ALG13: variants seen among roughly 807,000 people sequenced by gnomAD.
The protein encoded by ALG13 is UDP-N-acetylglucosamine transferase subunit ALG13.
In ALG13, 11 loss-of-function variants were observed where a neutral mutation model predicts 87.8. The observed-to-expected ratio is 0.13, with a 90% CI of 0.08 to 0.21. The LOEUF is 0.21. Among genes scored for constraint, ALG13 ranks in the 10% least tolerant of loss-of-function variants. The probability of loss-of-function intolerance (pLI) is 1.00; values close to 1 mark genes in which losing one functional copy is unlikely to be tolerated. For missense variants in ALG13, 756 were observed against 866.1 expected, an observed-to-expected ratio of 0.87 and a Z score of 1.60; for synonymous variants, 320 against 306.3, an observed-to-expected ratio of 1.04 and a Z score of -0.47.
intron 1 of ALG13, chrX:111,681,624 C>T (rs1933265311): frequency 2.1e-6 from 2 of 931,617 alleles, no homozygotes; most frequent in South Asian, 3.4e-5. Context: ...ACGGCTCCGC[C>T]CCTCCGAGCT....
chrX:111,719,634 T>C (rs776202507), intron 10 of ALG13, among the ~76,000 whole-genome samples: 1 of 112,125 alleles, frequency 8.9e-6, no homozygotes, highest in African/African-American at 3.2e-5. Context: ...TGAGTTCTTA[T>C]CTGGAGCTTT....
rs778107761 is a variant in ALG13, at chrX:111,681,362, C to T, written c.81+63C>T. ...CCACCCGCCATCTCCGGCCATACTG[C>T]CAGCCGCGTTAGCCTTGCCTGACCG... On this transcript the variant is annotated intron_variant, in intron 1 of 26. Transcript: ENST00000394780. The T allele has an allele frequency of 9.3e-4, 1,123 of 1,204,132 alleles. 2 individuals are homozygous for T. The highest frequency in any genetic ancestry group is 1.2e-3 in the Non-Finnish European group (1,060 of 892,587).
chrX:111,682,448 T>C (rs966828739), intron 2 of ALG13, 154 bp downstream of exon 2: 12 of 361,081 alleles, frequency 3.3e-5, no homozygotes, highest in African/African-American at 2.9e-4. Context: ...CAGCATCCAT[T>C]AGCTTTTTAT....
chrX:111,728,823 C>G (rs926147634), intron 19 of ALG13, among the ~76,000 whole-genome samples: 1 of 111,160 alleles, frequency 9.0e-6, no homozygotes, highest in Non-Finnish European at 1.9e-5. Context: ...TTCGTGTGCT[C>G]TTCTGAGGAA....
chrX:111,719,223 C>A (rs903005727), intron 10 of ALG13, among the ~76,000 whole-genome samples: 2 of 109,777 alleles, frequency 1.8e-5, no homozygotes, highest in African/African-American at 6.6e-5. Flanking sequence ...AGATGGGGTT[C>A]ACAGGTTTAG....
intron 21 of ALG13, among the ~76,000 whole-genome samples, chrX:111,733,482 C>G (rs1435311882): frequency 1.8e-5 from 2 of 111,753 alleles, no homozygotes; most frequent in African/African-American, 6.5e-5. Flanking sequence ...CTTTGTATGG[C>G]TGAGTAGTAT....
At chrX:111,693,125 C>T (rs866699453) in intron 3 of ALG13, among the ~76,000 whole-genome samples, 5 of 108,804 alleles carry the variant, frequency 4.6e-5, no homozygotes, top group African/African-American at 1.7e-4. Flanking sequence ...ATGGCTAATT[C>T]CCTACGTGAA....
rs1078540 is a variant in ALG13 at position 111,707,814 on chromosome X, C to T, written c.384-213C>T. 0.24 allele frequency among the ~76,000 whole-genome samples: 27,105 copies of T among 111,173 alleles called. 7,874 individuals carry two copies. The highest frequency in any genetic ancestry group is 0.83 in the African/African-American group (25,284 of 30,307). ...TTTCAGCCTCGTGCAGCAGTTGCCCCGAGTTAAGCTGCAAAGTCAGTTTCC... is the reference window on the plus strand; with the variant it reads ...TTTCAGCCTCGTGCAGCAGTTGCCCTGAGTTAAGCTGCAAAGTCAGTTTCC... On this transcript the variant is annotated intron_variant, in intron 3 of 26. Transcript: ENST00000394780.
chrX:111,759,320 G>A (rs1032252888), intron 26 of ALG13, among the ~76,000 whole-genome samples: 13 of 110,985 alleles, frequency 1.2e-4, no homozygotes, highest in African/African-American at 4.3e-4. Flanking sequence ...TTCAGGTATA[G>A]ACCAGAATGT....
chrX:111,735,274 A>G (rs989796812), intron 22 of ALG13, among the ~76,000 whole-genome samples, 152 bp downstream of exon 22: 1 of 112,228 alleles, frequency 8.9e-6, no homozygotes, highest in Non-Finnish European at 1.9e-5. Flanking sequence ...AGTGATTAGT[A>G]AATTAATTCA....
At chrX:111,688,257 T>A in intron 3 of ALG13, 2 of 765,993 alleles carry the variant, frequency 2.6e-6, no homozygotes, top group Non-Finnish European at 3.1e-6. Flanking sequence ...TCCTAGAATC[T>A]CAAGTGGAAT....
At chrX:111,690,420 G>T in intron 3 of ALG13, 1 of 747,576 alleles carries the variant, frequency 1.3e-6, no homozygotes, top group Non-Finnish European at 1.6e-6. Flanking sequence ...GTGATGTTTT[G>T]GGATGACCTT....
Position 111,754,718 on chromosome X carries a change from G to A in ALG13, c.2973+1888G>A, listed in dbSNP as rs1378034915. On this transcript the variant is annotated intron_variant, in intron 25 of 26. Transcript: ENST00000394780. ...AATACCTAGGAATCCAACTTACAAG[G>A]GATGTGAAGGACCTCTTCAAGGAGA... 8.1e-5 allele frequency among the ~76,000 whole-genome samples: 9 copies of A among 111,285 alleles called. No individual in the cohort carries two copies. The Admixed American group carries it at 8.6e-4, about 11-fold the overall frequency.
intron 23 of ALG13, among the ~76,000 whole-genome samples, chrX:111,739,171 A>G (rs1015105458): frequency 8.9e-6 from 1 of 111,773 alleles, no homozygotes; most frequent in Non-Finnish European, 1.9e-5. Context: ...AAGTGAAGGG[A>G]AAGCAGACAC....
intron 13 of ALG13, among the ~76,000 whole-genome samples, 168 bp downstream of exon 13, chrX:111,723,025 G>A (rs964431169): frequency 9.0e-6 from 1 of 111,039 alleles, no homozygotes; most frequent in Non-Finnish European, 1.9e-5. Context: ...CATGATCCTG[G>A]CTCACTGCAG....
At chrX:111,689,142 T>G (rs1349825622) in intron 3 of ALG13, 2 of 673,775 alleles carry the variant, frequency 3.0e-6, no homozygotes, top group African/African-American at 4.8e-5. Context: ...AGAAATACTC[T>G]GGGTAGCAGG....
chrX:111,688,887 G>C (rs1275593709), intron 3 of ALG13: 1 of 750,432 alleles, frequency 1.3e-6, no homozygotes, highest in African/African-American at 2.3e-5. Context: ...GACCTTTACA[G>C]TAGATTATCC....
At chrX:111,709,685 C>CT (rs900487376) in intron 5 of ALG13, among the ~76,000 whole-genome samples, 8,589 of 96,912 alleles carry the variant, frequency 0.089, 934 homozygotes, top group African/African-American at 0.29. Flanking sequence ...GCTTCCTTTT[C>CT]TTTTTTTTTT....
intron 8 of ALG13, among the ~76,000 whole-genome samples, chrX:111,715,836 T>A (rs1446192685): frequency 8.9e-6 from 1 of 112,761 alleles, no homozygotes; most frequent in East Asian, 2.8e-4. Flanking sequence ...CTTTGGCATC[T>A]TTCATCTTGT....
Sources: allele counts gnomAD v4.1 joint callset (sites outside exome capture counted in the v4.1 genomes callset), GRCh38; gene constraint gnomAD v4.1.1; transcripts MANE v1.5; gene names NCBI Gene and HGNC (gene_info 2026-07-23, HGNC 2026-07-21).